Variants in NBPF3 observed in about 807,000 individuals in gnomAD.
NBPF3 encodes NBPF member 3.
A neutral mutation model predicts 78.1 loss-of-function variants in NBPF3; 57 were observed. The observed-to-expected ratio is 0.73, with a 90% CI of 0.59 to 0.91. The LOEUF (loss-of-function observed/expected upper bound fraction) is 0.91. NBPF3 is among the 40% of genes least tolerant of loss of function. The pLI is 0.00. For missense variants in NBPF3, 510 were observed against 715.3 expected (o/e 0.71, Z 3.27); for synonymous variants, 182 against 271.7 (o/e 0.67, Z 3.25).
rs1642432727 is a variant in NBPF3 at position 21,468,898 on chromosome 1, G to GT, written c.343+2dup. ...CTGGCCAACCGGCAAAATAATTACG[G>GT]TAAGTTCTATAGGCTCACCATCACA... On this transcript the variant is annotated splice_donor_variant, in intron 3 of 14. Coordinates refer to ENST00000318249, the MANE Select transcript of NBPF3 (RefSeq NM_032264.6). LOFTEE classifies it high-confidence loss of function. The GT allele has an allele frequency of 6.2e-7, 1 of 1,609,508 alleles. No homozygotes were observed. Among genetic ancestry groups the GT allele is most frequent in the African/African-American group, 1.3e-5 (1 of 74,886 alleles).
intron 8 of NBPF3, among the ~76,000 whole-genome samples, chr1:21,477,574 T>C (rs1229586877): frequency 6.6e-6 from 1 of 152,144 alleles, no homozygotes; most frequent in Non-Finnish European, 1.5e-5. Flanking sequence ...ACTCCAGACC[T>C]TCAAACAGGG....
chr1:21,477,482 G>T (rs148054704), intron 8 of NBPF3, among the ~76,000 whole-genome samples: 1 of 152,076 alleles, frequency 6.6e-6, no homozygotes, highest in Non-Finnish European at 1.5e-5. Context: ...TTTTGTTGAC[G>T]TTGATTCCTT....
At chr1:21,463,354 A>G (rs1642059357) in intron 2 of NBPF3, among the ~76,000 whole-genome samples, 1 of 152,198 alleles carries the variant, frequency 6.6e-6, no homozygotes, top group African/African-American at 2.4e-5. Context: ...AAGTCAGTGG[A>G]AGGATATCAG....
chr1:21,473,514 A>C lies in NBPF3; in HGVS notation c.869A>C (p.Asp290Ala). 1 of 1,614,196 alleles carries C rather than the reference A, an allele frequency of 6.2e-7. No individual in the cohort carries two copies. The highest frequency in any genetic ancestry group is 8.5e-7 in the Non-Finnish European group (1 of 1,180,042). ...YGNTRITFEE[D>A]QVDSTLIDSS... ...AACACCAGAATCACATTTGAGGAAG[A>C]CCAAGTCGACTCAACTCTCATTGAC... The change falls in exon 7 of 15, where the codon GAC becomes GCC. Residue 290 changes from aspartate (D) to alanine (A), a missense_variant. Asp to Ala is a moderately radical substitution (Grantham distance 126). Around this residue, in one of 5 missense-constraint regions of NBPF3, gnomAD observed 440 missense variants for 478.2 expected, o/e 0.92. Transcript: ENST00000318249.
upstream of NBPF3, among the ~76,000 whole-genome samples, chr1:21,438,246 G>T (rs1558467112): frequency 6.6e-6 from 1 of 152,030 alleles, no homozygotes; most frequent in African/African-American, 2.4e-5. Context: ...CCGAGTAGCT[G>T]GAATTACAGG....
intron 3 of NBPF3, among the ~76,000 whole-genome samples, chr1:21,469,597 C>T (rs1357070730): frequency 6.6e-6 from 1 of 152,054 alleles, no homozygotes; most frequent in African/African-American, 2.4e-5. Flanking sequence ...TGGTGGCGGG[C>T]GCCTGTAATC....
chr1:21,437,147 A>C (rs1243950191), upstream of NBPF3, among the ~76,000 whole-genome samples: 4 of 152,014 alleles, frequency 2.6e-5, no homozygotes, highest in Non-Finnish European at 4.4e-5. Flanking sequence ...GGACCCTGGG[A>C]AAAGGTCTAG....
Position 21,474,938 on chromosome 1 carries a change from CCAGT to C in NBPF3, c.980_983del (p.Pro327ArgfsTer46). On this transcript the variant is annotated frameshift_variant, in exon 8 of 15. Coordinates refer to ENST00000318249, the MANE Select transcript of NBPF3 (RefSeq NM_032264.6). LOFTEE classifies it high-confidence loss of function. ...TCATGAGCAAGAGGAAGAAAAAGGG[CCAGT>C]GTCTCCCAGGTAATGCCATGGAATT... The C allele has an allele frequency of 1.2e-6, 2 of 1,602,160 alleles. No individual in the cohort carries two copies. The highest frequency in any genetic ancestry group is 2.2e-5 in the South Asian group (2 of 90,990).
At position 21,440,141 on chromosome 1, in the gene NBPF3, G is replaced by A. The variant is rs555384862; in HGVS notation, c.-347G>A. Reference sequence around the variant, plus strand: ...GGCGCAGGCGCAGGCGCAGGCACAGGCGAGGGGTTGGGTGGCGGTTGAGAC... The same window carrying A: ...GGCGCAGGCGCAGGCGCAGGCACAGACGAGGGGTTGGGTGGCGGTTGAGAC... On this transcript the variant is annotated 5_prime_UTR_variant, in exon 1 of 15. Transcript: ENST00000318249. 3.2e-4 allele frequency: 49 copies of A among 152,598 alleles called. No individual in the cohort carries two copies. The highest frequency in any genetic ancestry group is 1.2e-3 in the African/African-American group (49 of 41,582). 9.5% of individuals were successfully genotyped at this position (152,598 alleles called of 1,614,324 possible). A position where few individuals can be genotyped will look rare whatever the true frequency, so the allele number is the denominator to read the frequency against.
intron 6 of NBPF3, among the ~76,000 whole-genome samples, 184 bp downstream of exon 6, chr1:21,473,099 G>T (rs1370210185): frequency 6.6e-6 from 1 of 152,174 alleles, no homozygotes; most frequent in Admixed American, 6.5e-5. Flanking sequence ...TGTGGTGGGT[G>T]TCATGTCTGT....
chr1:21,483,151 A>T lies in NBPF3; in HGVS notation c.1667A>T (p.Glu556Val), dbSNP rs762043703. ...DQKPPCPRLN[E>V]VLMEAEEPEV... ...TTTGTCTCCTTTTCCAGGCTCAACGAGGTGCTGATGGAAGCAGAAGAGCCT... is the reference window on the plus strand; with the variant it reads ...TTTGTCTCCTTTTCCAGGCTCAACGTGGTGCTGATGGAAGCAGAAGAGCCT... Residue 556 changes from glutamate to valine, a missense_variant, in exon 15 of 15, where the codon GAG becomes GTG. Around this residue, in one of 5 missense-constraint regions of NBPF3, gnomAD observed 25 missense variants for 27.3 expected, o/e 0.92. Coordinates refer to ENST00000318249, the MANE Select transcript of NBPF3 (RefSeq NM_032264.6). 6.2e-7 allele frequency: 1 copy of T among 1,610,868 alleles called. No homozygotes were observed. Among genetic ancestry groups the T allele is most frequent in the Non-Finnish European group, 8.5e-7 (1 of 1,179,230 alleles).
At chr1:21,441,706 CAAA>C (rs772118033) in intron 1 of NBPF3, among the ~76,000 whole-genome samples, 7 of 76,902 alleles carry the variant, frequency 9.1e-5, no homozygotes, top group East Asian at 3.9e-4. Flanking sequence ...GAGCCTATCT[CAAA>C]AAAAAAAAAA....
At chr1:21,465,416 C>T (rs1189150184) in intron 2 of NBPF3, among the ~76,000 whole-genome samples, 1 of 152,266 alleles carries the variant, frequency 6.6e-6, no homozygotes, top group East Asian at 1.9e-4. Context: ...CACTGACTTT[C>T]CCAGCTGTTT....
chr1:21,443,132 TG>T (rs1477075504), intron 1 of NBPF3, among the ~76,000 whole-genome samples: 3 of 152,182 alleles, frequency 2.0e-5, no homozygotes, highest in Non-Finnish European at 4.4e-5. Flanking sequence ...TGGACCAACC[TG>T]GGTAACATAG....
At chr1:21,437,943 C>G (rs894008374), upstream of NBPF3, among the ~76,000 whole-genome samples, 15 of 152,002 alleles carry the variant, frequency 9.9e-5, no homozygotes, top group Non-Finnish European at 1.5e-4. Context: ...TCACCTTAGC[C>G]TCCGAGTAGC....
At chr1:21,470,221 G>A (rs1160935870) in intron 3 of NBPF3, among the ~76,000 whole-genome samples, 1 of 152,186 alleles carries the variant, frequency 6.6e-6, no homozygotes, top group Non-Finnish European at 1.5e-5. Context: ...ACTTCCCAGT[G>A]AAAGGGAAAC....
chr1:21,476,684 A>G lies in NBPF3; in HGVS notation c.993-1460A>G, dbSNP rs6426713. On this transcript the variant is annotated intron_variant, in intron 8 of 14. Coordinates refer to ENST00000318249, the MANE Select transcript of NBPF3 (RefSeq NM_032264.6). This position sits in a 1 kb window ranked among gnomAD's most constrained non-coding sequence, Gnocchi z 4.1. ...TGGGCTTCCCTTAGTGGGTAACTCG[A>G]CCATTCTCTCTGGCTGCCCTTAACA... 0.46 allele frequency among the ~76,000 whole-genome samples: 69,401 copies of G among 151,974 alleles called. 17,749 individuals are homozygous for G. Among genetic ancestry groups the G allele is most frequent in the Middle Eastern group, 0.61 (179 of 294 alleles).
chr1:21,478,196 G>C lies in NBPF3; in HGVS notation c.1045G>C (p.Gly349Arg), dbSNP rs540152780. The part of the protein sequence containing the change: ...EEAPQESWDE[G>R]DWTLSIPPDM... Reference sequence around the variant, plus strand: ...AGCCCCCCAGGAGTCCTGGGATGAAGGTGATTGGACTCTCTCAATTCCTCC... The same window carrying C: ...AGCCCCCCAGGAGTCCTGGGATGAACGTGATTGGACTCTCTCAATTCCTCC... Residue 349 changes from glycine to arginine, a missense_variant, in exon 9 of 15, where the codon GGT (glycine) becomes CGT (arginine). Gly to Arg is a moderately radical substitution (Grantham distance 125). This residue lies in a region of NBPF3 where 440 missense variants were observed against 478.2 expected (regional missense o/e 0.92). Transcript: ENST00000318249. 1 of 1,614,184 alleles carries C rather than the reference G, an allele frequency of 6.2e-7. No homozygotes were observed. Among genetic ancestry groups the C allele is most frequent in the African/African-American group, 1.3e-5 (1 of 75,036 alleles).
At chr1:21,448,479 C>T (rs767050765) in intron 2 of NBPF3, among the ~76,000 whole-genome samples, 7 of 152,052 alleles carry the variant, frequency 4.6e-5, no homozygotes, top group Non-Finnish European at 7.4e-5. Context: ...TCCTTTTCCA[C>T]GAATCTATTT....
Sources: allele counts gnomAD v4.1 joint callset (sites outside exome capture counted in the v4.1 genomes callset), GRCh38; gene constraint gnomAD v4.1.1; regional missense constraint gnomAD v4.1.1; non-coding constraint Gnocchi (gnomAD v3.1); transcripts MANE v1.5; gene names NCBI Gene and HGNC (gene_info 2026-07-23, HGNC 2026-07-21).